Variants in GALNT14 observed in about 807,000 individuals in gnomAD.
The protein encoded by GALNT14 is polypeptide N-acetylgalactosaminyltransferase 14.
Under a neutral mutation model 77.5 loss-of-function variants are expected in GALNT14, and 60 were observed. The ratio of observed to expected loss-of-function variants is 0.77; its 90% CI spans 0.63 to 0.96. GALNT14 has a LOEUF of 0.96. GALNT14 is among the 40% of genes least tolerant of loss of function. GALNT14 has a pLI of 0.00. For synonymous variants in GALNT14, 280 were observed against 281.7 expected (o/e 0.99, Z 0.06); for missense variants, 710 against 731.0 (o/e 0.97, Z 0.33).
At chr2:31,130,472 T>A (rs1678920259) in intron 1 of GALNT14, among the ~76,000 whole-genome samples, 1 of 151,954 alleles carries the variant, frequency 6.6e-6, no homozygotes. Context: ...AAGAAGAATG[T>A]GAAGGGGAGG....
In GALNT14 at chr2:31,053,035, C is replaced by T. The variant is rs1023565169; in HGVS notation, c.130-60028G>A. Among the ~76,000 whole-genome samples, 6 of 152,112 alleles carry T rather than the reference C, an allele frequency of 3.9e-5. 2 individuals carry two copies. The South Asian group carries it at 8.3e-4, about 21-fold the overall frequency. ...GAGCCACTCACTCAGCCCGGCCTAA[C>T]CCTAAGCTGCGGCAGAAGGGGTTTA... is the stretch of plus-strand genomic sequence containing the variant. On this transcript the variant is annotated intron_variant, in intron 1 of 14. Transcript: ENST00000349752.
chr2:31,041,477 C>A (rs1282421369), intron 1 of GALNT14, among the ~76,000 whole-genome samples: 1 of 151,998 alleles, frequency 6.6e-6, no homozygotes, highest in African/African-American at 2.4e-5. Flanking sequence ...GATACAGGGT[C>A]CTACCTGTCA....
chr2:30,987,338 T>A (rs561199838), intron 2 of GALNT14, among the ~76,000 whole-genome samples: 1 of 152,260 alleles, frequency 6.6e-6, no homozygotes, highest in African/African-American at 2.4e-5. Flanking sequence ...CTGTAGAACT[T>A]ACCTTTTGAG....
At chr2:30,977,370 C>T (rs1217273492) in intron 2 of GALNT14, among the ~76,000 whole-genome samples, 3 of 152,140 alleles carry the variant, frequency 2.0e-5, no homozygotes, top group Non-Finnish European at 2.9e-5. Context: ...GGGTTACAGG[C>T]GTGAGCCACC....
intron 1 of GALNT14, among the ~76,000 whole-genome samples, chr2:31,067,155 C>T (rs541192049): frequency 1.5e-4 from 23 of 152,344 alleles, no homozygotes; most frequent in African/African-American, 5.5e-4. Context: ...CACCCAGCCT[C>T]CCTGGCCTTG....
At chr2:30,973,592 T>C (rs1404892748) in intron 2 of GALNT14, among the ~76,000 whole-genome samples, 1 of 152,134 alleles carries the variant, frequency 6.6e-6, no homozygotes, top group African/African-American at 2.4e-5. Flanking sequence ...GGCCCCTTGG[T>C]TCAAACTGAA....
intron 3 of GALNT14, among the ~76,000 whole-genome samples, chr2:30,960,813 G>C (rs1271615947): frequency 6.6e-6 from 1 of 152,204 alleles, no homozygotes; most frequent in Non-Finnish European, 1.5e-5. Flanking sequence ...CTACAGCAAA[G>C]CAAATCCATT....
chr2:31,027,718 TC>T (rs1346664753), intron 1 of GALNT14, among the ~76,000 whole-genome samples: 1 of 152,174 alleles, frequency 6.6e-6, no homozygotes, highest in African/African-American at 2.4e-5. Flanking sequence ...ACAATTTATG[TC>T]CCCACCCTGT....
chr2:31,021,410 T>C (rs1276340638), intron 1 of GALNT14, among the ~76,000 whole-genome samples: 1 of 151,996 alleles, frequency 6.6e-6, no homozygotes, highest in Non-Finnish European at 1.5e-5. Flanking sequence ...GTTCAAGCAA[T>C]TCTCCTGCCT....
intron 4 of GALNT14, among the ~76,000 whole-genome samples, chr2:30,956,679 G>T (rs1667393186): frequency 6.6e-6 from 1 of 152,082 alleles, no homozygotes; most frequent in Non-Finnish European, 1.5e-5. Context: ...GCTAATTTAT[G>T]TATTTGTAGT....
chr2:31,074,222 G>A (rs561939861), intron 1 of GALNT14, among the ~76,000 whole-genome samples: 2 of 152,286 alleles, frequency 1.3e-5, no homozygotes, highest in Admixed American at 1.3e-4. Context: ...ACGGCCTGCA[G>A]AGTCAGCCCT....
chr2:30,937,236 A>G (rs1208161224), intron 9 of GALNT14, among the ~76,000 whole-genome samples: 1 of 152,196 alleles, frequency 6.6e-6, no homozygotes, highest in Non-Finnish European at 1.5e-5. Flanking sequence ...TCTGAAAGAG[A>G]AGGCAGCTCA....
chr2:31,129,275 A>T (rs1678858810), intron 1 of GALNT14: 1 of 590,364 alleles, frequency 1.7e-6, no homozygotes, highest in Non-Finnish European at 2.1e-6. Context: ...AATAACACTC[A>T]CCTCACAAAG....
At chr2:30,992,515 A>T (rs1489063604) in intron 2 of GALNT14, among the ~76,000 whole-genome samples, 2 of 152,148 alleles carry the variant, frequency 1.3e-5, no homozygotes, top group Admixed American at 1.3e-4. Flanking sequence ...AGGGAAAAAC[A>T]GGCCTTGGCT....
chr2:31,058,523 A>C (rs1674381550), intron 1 of GALNT14, among the ~76,000 whole-genome samples: 1 of 152,050 alleles, frequency 6.6e-6, no homozygotes, highest in Non-Finnish European at 1.5e-5. Context: ...TAAGGACTCC[A>C]AGACCTCTGC....
intron 2 of GALNT14, among the ~76,000 whole-genome samples, chr2:30,987,762 A>T (rs1035716618): frequency 1.7e-5 from 2 of 121,094 alleles, no homozygotes; most frequent in African/African-American, 6.3e-5. Flanking sequence ...CTCCCACATC[A>T]TGCGGCATCT....
At chr2:31,136,522 G>A (rs1558592738) in intron 1 of GALNT14, among the ~76,000 whole-genome samples, 1 of 152,142 alleles carries the variant, frequency 6.6e-6, no homozygotes, top group Admixed American at 6.5e-5. Context: ...GTCCAATGAT[G>A]AGTGAACTCC....
intron 6 of GALNT14, among the ~76,000 whole-genome samples, chr2:30,950,289 A>T (rs948972091): frequency 6.6e-6 from 1 of 152,146 alleles, no homozygotes; most frequent in South Asian, 2.1e-4. Flanking sequence ...TTAAAAAAAA[A>T]CCCCAACTTG....
intron 1 of GALNT14, among the ~76,000 whole-genome samples, chr2:31,008,622 T>C (rs1215945398): frequency 6.6e-6 from 1 of 151,250 alleles, no homozygotes; most frequent in Non-Finnish European, 1.5e-5. Flanking sequence ...TACCTTCTTC[T>C]CGCCTGCCTC....
Sources: allele counts gnomAD v4.1 joint callset (sites outside exome capture counted in the v4.1 genomes callset), GRCh38; gene constraint gnomAD v4.1.1; transcripts MANE v1.5; gene names NCBI Gene and HGNC (gene_info 2026-07-23, HGNC 2026-07-21).